EDEM1: variants seen among roughly 807,000 people sequenced by gnomAD.
The protein encoded by EDEM1 is ER degradation-enhancing alpha-mannosidase-like protein 1.
EDEM1 carries 67 observed loss-of-function variants against 74.4 expected under a neutral mutation model. That is an observed-to-expected ratio of 0.90 (90% CI 0.74 to 1.10). The LOEUF (loss-of-function observed/expected upper bound fraction) is 1.10. Ranked by LOEUF, EDEM1 falls within the 50% of genes least tolerant of loss-of-function variation. The pLI, the probability that EDEM1 is intolerant of heterozygous loss-of-function variation, is 0.00. For missense variants in EDEM1, 926 were observed against 851.6 expected (o/e 1.09, Z -1.09); for synonymous variants, 382 against 335.9 (o/e 1.14, Z -1.50).
Position 5,210,185 on chromosome 3 carries a change from A to T in EDEM1, c.1520A>T (p.Asn507Ile). The T allele has an allele frequency of 6.2e-7, 1 of 1,614,226 alleles. No individual in the cohort carries two copies. The highest frequency in any genetic ancestry group is 8.5e-7 in the Non-Finnish European group (1 of 1,180,016). The change falls in exon 9 of 12, where the codon AAT becomes ATT. Residue 507 changes from asparagine to isoleucine, a missense_variant. By Grantham distance (149) the Asn-to-Ile change is moderately radical. Transcript: ENST00000256497. ...STYLLYQATK[N>I]PFYLHVGMDI... Reference sequence around the variant, plus strand: ...TCGTGTTCTCTCTAGGCAACCAAGAATCCCTTCTACCTCCATGTAGGAATG... The same window carrying T: ...TCGTGTTCTCTCTAGGCAACCAAGATTCCCTTCTACCTCCATGTAGGAATG...
intron 2 of EDEM1, among the ~76,000 whole-genome samples, chr3:5,197,934 G>C (rs996758641): frequency 2.0e-5 from 3 of 152,210 alleles, no homozygotes; most frequent in Non-Finnish European, 4.4e-5. Context: ...ATCAGTATGT[G>C]TAAGATGTAC....
Position 5,188,254 on chromosome 3 carries a change from TC to T in EDEM1, c.454del (p.Gln152ArgfsTer22), listed in dbSNP as rs1293963400. On this transcript the variant is annotated frameshift_variant, in exon 1 of 12. Coordinates refer to ENST00000256497, the MANE Select transcript of EDEM1 (RefSeq NM_014674.3). LOFTEE classifies it high-confidence loss of function. ...FGYDNYMAHAFPQDELNPIHC... is the reference protein window; with the variant it reads ...FGYDNYMAHAXPQDELNPIHC... Reference sequence around the variant, plus strand: ...TACGACAACTACATGGCTCACGCCTTCCCCCAGGACGAGCTCAACCCCATCC... The same window carrying T: ...TACGACAACTACATGGCTCACGCCTTCCCCAGGACGAGCTCAACCCCATCC... The T allele has an allele frequency of 2.5e-6, 4 of 1,577,746 alleles. No homozygotes were observed. Among genetic ancestry groups the T allele is most frequent in the East Asian group, 2.5e-5 (1 of 40,522 alleles).
At chr3:5,200,716 G>T (rs1314071254) in intron 3 of EDEM1, among the ~76,000 whole-genome samples, 2 of 152,122 alleles carry the variant, frequency 1.3e-5, no homozygotes, top group African/African-American at 4.8e-5. Context: ...CAAGGACTTA[G>T]GTATAAGCTG....
At position 5,202,974 on chromosome 3, in the gene EDEM1, A is replaced by G; in HGVS notation, c.867A>G (p.Leu289=). Residue 289 remains leucine, a synonymous_variant, in exon 5 of 12, where the codon CTA becomes CTG. Transcript: ENST00000256497. ...TCTGTTCCCATCCCCAGGTGAATCT[A>G]AAGACAGGAGTTCCTCCTGACACCA... The part of the protein sequence containing the change: ...KTGIPYPRVN[L]KTGVPPDTNN... 2 of 1,613,294 alleles carry G rather than the reference A, an allele frequency of 1.2e-6. No individual in the cohort carries two copies. Among genetic ancestry groups the G allele is most frequent in the Non-Finnish European group, 1.7e-6 (2 of 1,179,630 alleles).
At chr3:5,194,963 C>G in intron 1 of EDEM1, 1 of 303,260 alleles carries the variant, frequency 3.3e-6, no homozygotes, top group Non-Finnish European at 6.0e-6. Context: ...CTCCTGACTT[C>G]CTGTGAGCAT....
In EDEM1 at chr3:5,201,818, T is replaced by C; in HGVS notation, c.752T>C (p.Met251Thr). The C allele has an allele frequency of 1.9e-6, 3 of 1,614,184 alleles. No individual in the cohort carries two copies. Among genetic ancestry groups the C allele is most frequent in the East Asian group, 4.5e-5 (2 of 44,882 alleles). ...ITDSKQPFGD[M>T]TIKDYDNELL... The stretch of plus-strand genomic sequence containing the variant: ...GACTCCAAGCAGCCCTTTGGTGACA[T>C]GACAATTAAGGACTATGATAATGAG... The change falls in exon 4 of 12, where the codon ATG (methionine) becomes ACG (threonine). Residue 251 changes from methionine to threonine, a missense_variant. By Grantham distance (81) the Met-to-Thr change is moderately conservative. Coordinates refer to ENST00000256497, the MANE Select transcript of EDEM1 (RefSeq NM_014674.3).
In EDEM1 at chr3:5,208,120, A is replaced by G; in HGVS notation, c.1366A>G (p.Ile456Val). The G allele has an allele frequency of 6.2e-7, 1 of 1,606,042 alleles. No individual in the cohort carries two copies. The highest frequency in any genetic ancestry group is 8.5e-7 in the Non-Finnish European group (1 of 1,177,794). The change falls in exon 8 of 12, where the codon ATC (isoleucine) becomes GTC (valine). Residue 456 changes from isoleucine (I) to valine (V), a missense_variant. By Grantham distance (29) the Ile-to-Val change is conservative (BLOSUM62 3). Transcript: ENST00000256497. ...QVLIGDVEDA[I>V]CLHAFYYAIW... ...GCTGATAGGAGATGTGGAAGATGCC[A>G]TCTGCCTTCATGCCTTCTACTATGC...
intron 2 of EDEM1, among the ~76,000 whole-genome samples, chr3:5,198,795 T>C (rs1276644148): frequency 6.6e-6 from 1 of 152,028 alleles, no homozygotes; most frequent in Non-Finnish European, 1.5e-5. Context: ...CCCAGAAATT[T>C]ATTTTTCTAT....
intron 1 of EDEM1, among the ~76,000 whole-genome samples, chr3:5,189,130 G>A (rs967552815): frequency 1.2e-4 from 19 of 152,184 alleles, no homozygotes; most frequent in African/African-American, 3.6e-4. Flanking sequence ...GTCCAAGAGG[G>A]CAGTACACCC....
chr3:5,209,042 G>A (rs939195871), intron 8 of EDEM1, among the ~76,000 whole-genome samples: 10 of 152,228 alleles, frequency 6.6e-5, no homozygotes, highest in Admixed American at 2.6e-4. Flanking sequence ...GCCAGCCCTA[G>A]CAAGCAGGGC....
chr3:5,215,002 G>A (rs2055214684), intron 11 of EDEM1, among the ~76,000 whole-genome samples: 1 of 152,188 alleles, frequency 6.6e-6, no homozygotes, highest in South Asian at 2.1e-4. Context: ...GATCCTTGAA[G>A]GATGAAAAGG....
At chr3:5,193,056 G>A (rs2054920122) in intron 1 of EDEM1, among the ~76,000 whole-genome samples, 1 of 152,118 alleles carries the variant, frequency 6.6e-6, no homozygotes, top group African/African-American at 2.4e-5. Flanking sequence ...GGAGTTCAGT[G>A]CTCACAGTGA....
chr3:5,213,619 G>C (rs1454969564), intron 11 of EDEM1, 97 bp downstream of exon 11: 1 of 1,215,808 alleles, frequency 8.2e-7, no homozygotes, highest in Non-Finnish European at 1.1e-6. Context: ...AATTGATGGT[G>C]TATGCAGATT....
chr3:5,207,697 G>A (rs963459034), intron 7 of EDEM1, among the ~76,000 whole-genome samples: 1 of 152,028 alleles, frequency 6.6e-6, no homozygotes, highest in East Asian at 1.9e-4. Flanking sequence ...TAGTAGAGAC[G>A]GGGTTTCACT....
Position 5,216,286 on chromosome 3 carries a change from C to CT in EDEM1, c.*371dup, listed in dbSNP as rs2055234911. The CT allele has an allele frequency of 5.6e-6, 1 of 178,930 alleles. No individual in the cohort carries two copies. Among genetic ancestry groups the CT allele is most frequent in the Non-Finnish European group, 1.2e-5 (1 of 85,874 alleles). The allele number at this position is 178,930 out of a possible 1,614,324, so 11.1% of individuals were successfully genotyped here. On this transcript the variant is annotated 3_prime_UTR_variant, in exon 12 of 12. Transcript: ENST00000256497. ...CTGCTATACTGGAGTATTGCTATGT[C>CT]TTTAAAAAATTTTTTTTATTATATT...
At chr3:5,201,157 C>G (rs1314524350) in intron 3 of EDEM1, among the ~76,000 whole-genome samples, 1 of 151,022 alleles carries the variant, frequency 6.6e-6, no homozygotes, top group African/African-American at 2.5e-5. Flanking sequence ...AGTTAGTACA[C>G]TCTTATTTTT....
chr3:5,208,907 A>G (rs1000821375), intron 8 of EDEM1, among the ~76,000 whole-genome samples: 2 of 152,080 alleles, frequency 1.3e-5, no homozygotes, highest in East Asian at 3.9e-4. Context: ...ACTTCTGTGT[A>G]TGCCATACAT....
rs1315664506 is a variant in EDEM1 at position 5,216,949 on chromosome 3, T to C, written c.*1031T>C. 6.5e-6 allele frequency: 1 copy of C among 152,676 alleles called. No individual in the cohort carries two copies. Among genetic ancestry groups the C allele is most frequent in the African/African-American group, 2.4e-5 (1 of 41,464 alleles). 9.5% of individuals were successfully genotyped at this position (152,676 alleles called of 1,614,324 possible). ...TTTTCTGTGTCTAGTGCCAATTAGCTAAATCAGGGAGAAAGAAATGATCAC... is the reference window on the plus strand; with the variant it reads ...TTTTCTGTGTCTAGTGCCAATTAGCCAAATCAGGGAGAAAGAAATGATCAC... On this transcript the variant is annotated 3_prime_UTR_variant, in exon 12 of 12. Transcript: ENST00000256497.
At chr3:5,193,197 G>A (rs2054922487) in intron 1 of EDEM1, among the ~76,000 whole-genome samples, 1 of 152,090 alleles carries the variant, frequency 6.6e-6, no homozygotes, top group African/African-American at 2.4e-5. Context: ...CATGATGAGG[G>A]AGCTGTTTTC....
Sources: gnomAD v4.1 joint callset for allele counts (sites outside exome capture counted in the v4.1 genomes callset) on GRCh38, gnomAD v4.1.1 for gene constraint, MANE v1.5 for transcripts, NCBI Gene and HGNC (gene_info 2026-07-23, HGNC 2026-07-21) for gene names.